The following EMC3 variants were observed in gnomAD, a reference collection of about 807,000 sequenced individuals.
The protein encoded by EMC3 is 30 kDa protein.
A neutral mutation model predicts 36.6 loss-of-function variants in EMC3; 13 were observed. That is an observed-to-expected ratio of 0.35 (90% CI 0.23 to 0.56). The LOEUF (loss-of-function observed/expected upper bound fraction) is 0.56, where lower values mean the gene tolerates loss of function less well. Among genes scored for constraint, EMC3 ranks in the 20% least tolerant of loss-of-function variants. The probability of loss-of-function intolerance (pLI) is 0.84; values close to 1 mark genes in which losing one functional copy is unlikely to be tolerated. For missense variants in EMC3, 220 were observed against 324.5 expected, an observed-to-expected ratio of 0.68 and a Z score of 2.47; for synonymous variants, 120 against 111.9, an observed-to-expected ratio of 1.07 and a Z score of -0.46.
chr3:10,010,956 C>T (rs575429408), intron 1 of EMC3: 6 of 152,486 alleles, frequency 3.9e-5, no homozygotes, highest in African/African-American at 1.4e-4. Flanking sequence ...CCCAGGCCTC[C>T]AAAGGACCCA....
At chr3:9,974,715 C>G (rs1217364849) in intron 3 of EMC3, among the ~76,000 whole-genome samples, 3 of 151,496 alleles carry the variant, frequency 2.0e-5, no homozygotes, top group Non-Finnish European at 1.5e-5. Flanking sequence ...CCTGCCACCA[C>G]GCCTGGCTAA....
In EMC3 at chr3:9,963,470, T is replaced by TAC. The variant is rs2085707283; in HGVS notation, c.*598_*599insGT. The TAC allele has an allele frequency of 9.0e-6, 1 of 111,432 alleles. No individual in the cohort carries two copies. Among genetic ancestry groups the TAC allele is most frequent in the Non-Finnish European group, 2.0e-5 (1 of 51,218 alleles). 6.9% of individuals were successfully genotyped at this position (111,432 alleles called of 1,614,324 possible). On this transcript the variant is annotated 3_prime_UTR_variant, in exon 8 of 8. Transcript: ENST00000245046. ...GCTAAGATAGATATATATATATATA[T>TAC]ATATATATTTTTTTTTTTTTTTCAG...
chr3:9,995,899 G>T (rs1458997946), intron 1 of EMC3, among the ~76,000 whole-genome samples: 1 of 151,236 alleles, frequency 6.6e-6, no homozygotes, highest in Non-Finnish European at 1.5e-5. Flanking sequence ...GTGTAAAATA[G>T]TGGAAATGGA....
upstream of EMC3, chr3:9,986,879 A>T (rs962047114): frequency 2.1e-5 from 28 of 1,356,310 alleles, no homozygotes; most frequent in Non-Finnish European, 2.7e-5. Context: ...GGCGCACCTC[A>T]GTGGCGTCAG....
chr3:9,981,694 C>G, intron 1 of EMC3: 1 of 404,864 alleles, frequency 2.5e-6, no homozygotes, highest in African/African-American at 2.2e-5. Context: ...CTCAGCCCCC[C>G]AAAGTGCTGG....
At chr3:9,969,828 G>A (rs2085767696) in intron 6 of EMC3, 27 bp from the exon 7 acceptor site, 12 of 1,610,300 alleles carry the variant, frequency 7.5e-6, no homozygotes, top group Non-Finnish European at 1.0e-5. Flanking sequence ...ACTTACATGA[G>A]TGCCAGGACT....
chr3:9,971,587 C>T (rs1230854981), intron 5 of EMC3, among the ~76,000 whole-genome samples: 3 of 152,192 alleles, frequency 2.0e-5, no homozygotes, highest in Admixed American at 6.5e-5. Context: ...TCGCGTCTGT[C>T]CATGACTGCA....
upstream of EMC3, chr3:9,988,836 C>T: frequency 1.1e-6 from 1 of 873,156 alleles, no homozygotes; most frequent in Non-Finnish European, 1.9e-6. Flanking sequence ...TTTCTTTCTC[C>T]TCCCTCCAGT....
At chr3:9,982,758 A>T (rs1014288577) in intron 1 of EMC3, among the ~76,000 whole-genome samples, 2 of 151,870 alleles carry the variant, frequency 1.3e-5, no homozygotes, top group Non-Finnish European at 2.9e-5. Flanking sequence ...GTGGTGGCAC[A>T]CGCTTATAAT....
At position 10,007,271 on chromosome 3, in the gene EMC3, C is replaced by G. The variant is rs149140010; in HGVS notation, c.-242+3752G>C. The G allele has an allele frequency of 5.5e-4, 679 of 1,236,882 alleles. 5 individuals are homozygous for G. In the African/African-American group the frequency reaches 9.7e-3, roughly 18 times the overall value. The allele number at this position is 1,236,882 out of a possible 1,614,324, so 76.6% of individuals were successfully genotyped here. A position where few individuals can be genotyped will look rare whatever the true frequency, so the allele number is the denominator to read the frequency against. On this transcript the variant is annotated intron_variant, in intron 1 of 8. Coordinates refer to the EMC3 transcript ENST00000470827. ...GTCCCACACATTGTTCATGGCTTCC[C>G]CACACTCACACTACCTGGTGAACAT...
chr3:9,988,723 C>CA (rs2086008887), upstream of EMC3: 1 of 1,523,456 alleles, frequency 6.6e-7, no homozygotes, highest in African/African-American at 1.5e-5. Flanking sequence ...CAATTGAAAA[C>CA]ACTGCCTCAG....
chr3:9,998,967 A>T (rs2086164630), intron 1 of EMC3, among the ~76,000 whole-genome samples: 1 of 152,188 alleles, frequency 6.6e-6, no homozygotes, highest in Admixed American at 6.5e-5. Context: ...CATGTTACCC[A>T]GACTGGTCTC....
At chr3:9,995,758 C>A (rs1315013809) in intron 1 of EMC3, among the ~76,000 whole-genome samples, 4 of 152,052 alleles carry the variant, frequency 2.6e-5, no homozygotes, top group Non-Finnish European at 5.9e-5. Flanking sequence ...CTGCCTCACC[C>A]TTCCAAGTAC....
At chr3:9,973,577 G>T in intron 5 of EMC3, 51 bp downstream of exon 5, 2 of 1,528,998 alleles carry the variant, frequency 1.3e-6, no homozygotes, top group Non-Finnish European at 1.8e-6. Context: ...CTCCCGCCTT[G>T]GCTTCCCAAA....
At chr3:9,988,236 T>C, upstream of EMC3, 1 of 599,756 alleles carries the variant, frequency 1.7e-6, no homozygotes, top group Non-Finnish European at 3.1e-6. Context: ...CAGACTACAG[T>C]GCAAGTTTAT....
At chr3:9,965,516 ATATAATTTACATGTCATACAATTTACC>A (rs1348270323) in intron 7 of EMC3, among the ~76,000 whole-genome samples, 3 of 152,176 alleles carry the variant, frequency 2.0e-5, no homozygotes, top group Admixed American at 6.5e-5. Flanking sequence ...AGTTTTTCAG[ATATAATTTACATGTCATACAATTTACC>A]CCTTTAATGT....
chr3:9,987,907 T>G, upstream of EMC3: 1 of 992,424 alleles, frequency 1.0e-6, no homozygotes, highest in Admixed American at 1.7e-5. Flanking sequence ...TTTCTGCAGG[T>G]AATCTCTGAG....
chr3:9,974,390 C>G lies in EMC3; in HGVS notation c.406G>C (p.Val136Leu). ...GGCTGGGTCTGTAACTTACTTGTGA[C>G]AAAGCCTGAGAATGTCATGTTGATC... is the stretch of plus-strand genomic sequence containing the variant. Reference protein sequence around the residue: ...GWINMTFSGFVTTKVPFPLTL... With the variant: ...GWINMTFSGFLTTKVPFPLTL... The change falls in exon 4 of 8, where the codon GTC becomes CTC. Residue 136 changes from valine (V) to leucine (L), a missense_variant. Around this residue, in one of 3 missense-constraint regions of EMC3, gnomAD observed 127 missense variants for 174.6 expected, o/e 0.73. Transcript: ENST00000245046. 6.2e-7 allele frequency: 1 copy of G among 1,612,080 alleles called. No individual in the cohort carries two copies. The highest frequency in any genetic ancestry group is 8.5e-7 in the Non-Finnish European group (1 of 1,178,146).
intron 1 of EMC3, chr3:10,006,912 C>A (rs796856279): frequency 3.1e-6 from 1 of 324,786 alleles, no homozygotes. Flanking sequence ...GTCGTCTGCC[C>A]GGCAACGTGG....
Sources: gnomAD v4.1 joint callset for allele counts (sites outside exome capture counted in the v4.1 genomes callset) on GRCh38, gnomAD v4.1.1 for gene constraint, gnomAD v4.1.1 regional missense constraint, MANE v1.5 for transcripts, NCBI Gene and HGNC (gene_info 2026-07-23, HGNC 2026-07-21) for gene names.